SOX6: variants seen among roughly 807,000 people sequenced by gnomAD.
SOX6 encodes SRY-box transcription factor 6, also known as transcription factor SOX-6.
In SOX6, 11 loss-of-function variants were observed where a neutral mutation model predicts 97.8. That is an observed-to-expected ratio of 0.11 (90% CI 0.07 to 0.19). The LOEUF (loss-of-function observed/expected upper bound fraction) is 0.19, where lower values mean the gene tolerates loss of function less well. Among genes scored for constraint, SOX6 ranks in the 10% least tolerant of loss-of-function variants. The pLI, the probability that SOX6 is intolerant of heterozygous loss-of-function variation, is 1.00. For missense variants in SOX6, 810 were observed against 1,039.5 expected (o/e 0.78, Z 3.04); for synonymous variants, 360 against 371.4 (o/e 0.97, Z 0.35).
At chr11:16,151,787 A>T (rs1850463513) in intron 6 of SOX6, among the ~76,000 whole-genome samples, 1 of 152,186 alleles carries the variant, frequency 6.6e-6, no homozygotes, top group South Asian at 2.1e-4. Flanking sequence ...TTATCTCCTG[A>T]CAGTGAGGAA....
chr11:16,514,565 CT>C (rs759148878), intron 4 of SOX6, among the ~76,000 whole-genome samples: 30 of 150,744 alleles, frequency 2.0e-4, no homozygotes, highest in Non-Finnish European at 3.8e-4. Context: ...TATTATTATA[CT>C]TTAAGTTTTA....
At chr11:16,369,104 C>T (rs959343267) in intron 1 of SOX6, among the ~76,000 whole-genome samples, 8 of 151,842 alleles carry the variant, frequency 5.3e-5, no homozygotes, top group South Asian at 2.1e-4. Flanking sequence ...AGAATGTATA[C>T]GAATGACAAT....
intron 2 of SOX6, among the ~76,000 whole-genome samples, chr11:16,721,283 C>G (rs1009735490): frequency 1.3e-5 from 2 of 152,078 alleles, no homozygotes; most frequent in Non-Finnish European, 2.9e-5. Flanking sequence ...GAATGTGAAC[C>G]GCTATTCTCT....
intron 9 of SOX6, among the ~76,000 whole-genome samples, chr11:16,091,256 C>T (rs1848680690): frequency 6.6e-6 from 1 of 152,054 alleles, no homozygotes; most frequent in Non-Finnish European, 1.5e-5. Context: ...TGGCTGGCAT[C>T]CTCAAAACAA....
chr11:16,452,445 A>G (rs973575762), intron 1 of SOX6, among the ~76,000 whole-genome samples: 5 of 152,228 alleles, frequency 3.3e-5, no homozygotes, highest in Non-Finnish European at 7.3e-5. Context: ...ATATTAAACT[A>G]TATGAATTTA....
chr11:16,561,270 A>G (rs910948765), intron 4 of SOX6, among the ~76,000 whole-genome samples: 18 of 152,196 alleles, frequency 1.2e-4, no homozygotes, highest in African/African-American at 4.1e-4. Context: ...TGGAGGGTAG[A>G]TCCACTGCCT....
chr11:16,169,464 T>C (rs1051059938), intron 6 of SOX6, among the ~76,000 whole-genome samples: 3 of 152,120 alleles, frequency 2.0e-5, no homozygotes, highest in Admixed American at 6.6e-5. Flanking sequence ...ATGAGGATTA[T>C]AATACAAGTT....
At chr11:16,714,195 T>C (rs1018775627) in intron 3 of SOX6, among the ~76,000 whole-genome samples, 2 of 152,094 alleles carry the variant, frequency 1.3e-5, no homozygotes, top group African/African-American at 4.8e-5. Flanking sequence ...ATAGTTCAAA[T>C]AGGTTTATGT....
At chr11:16,535,166 T>C (rs2133172496) in intron 4 of SOX6, among the ~76,000 whole-genome samples, 1 of 152,316 alleles carries the variant, frequency 6.6e-6, no homozygotes, top group South Asian at 2.1e-4. Flanking sequence ...AGAATGGATA[T>C]GCTAAAGAAG....
At chr11:16,226,670 A>T (rs1025888315) in intron 4 of SOX6, among the ~76,000 whole-genome samples, 7 of 152,108 alleles carry the variant, frequency 4.6e-5, no homozygotes, top group African/African-American at 1.7e-4. Flanking sequence ...ACTCAAACAT[A>T]GATACAGATG....
intron 1 of SOX6, among the ~76,000 whole-genome samples, chr11:16,421,655 G>A (rs1859024063): frequency 6.6e-6 from 1 of 152,160 alleles, no homozygotes; most frequent in Non-Finnish European, 1.5e-5. Flanking sequence ...CACTATCTTT[G>A]ACTTGATTTG....
At position 16,111,849 on chromosome 11, in the gene SOX6, A is replaced by C. The variant is rs147735520; in HGVS notation, c.852T>G (p.Ala284=). 1.2e-6 allele frequency: 2 copies of C among 1,612,790 alleles called. No individual in the cohort carries two copies. The highest frequency in any genetic ancestry group is 2.7e-5 in the African/African-American group (2 of 74,904). ...GGGGGAAGAGGAATCCCTGTTGGGCAGCAGCAGCTGCTGCCAGAGTCCGCT... is the reference window on the plus strand; with the variant it reads ...GGGGGAAGAGGAATCCCTGTTGGGCCGCAGCAGCTGCTGCCAGAGTCCGCT... ...HDQRTLAAAA[A]AQQGFLFPPG... Residue 284 remains alanine, a synonymous_variant, in exon 7 of 16, where the codon GCT becomes GCG. Transcript: ENST00000683767.
intron 2 of SOX6, among the ~76,000 whole-genome samples, chr11:16,729,849 G>A (rs1848335486): frequency 6.6e-6 from 1 of 151,910 alleles, no homozygotes. Context: ...GACACACATA[G>A]GCTCAAAATA....
At chr11:16,087,467 A>G (rs1183874259) in intron 9 of SOX6, among the ~76,000 whole-genome samples, 1 of 152,170 alleles carries the variant, frequency 6.6e-6, no homozygotes, top group African/African-American at 2.4e-5. Context: ...TCACTGTGAA[A>G]GGCAGACTTA....
At chr11:16,285,030 G>C (rs999177255) in intron 3 of SOX6, among the ~76,000 whole-genome samples, 16 of 151,922 alleles carry the variant, frequency 1.1e-4, no homozygotes, top group Non-Finnish European at 2.2e-4. Context: ...TAATTTTTTA[G>C]ATAAAACAGA....
At chr11:16,119,017 G>T (rs1453353951) in intron 6 of SOX6, among the ~76,000 whole-genome samples, 1 of 152,126 alleles carries the variant, frequency 6.6e-6, no homozygotes, top group Non-Finnish European at 1.5e-5. Context: ...AGAGAGAGAA[G>T]GTGGGAGAGA....
intron 3 of SOX6, among the ~76,000 whole-genome samples, chr11:16,714,560 T>C (rs1439476300): frequency 3.4e-5 from 5 of 149,226 alleles, no homozygotes; most frequent in African/African-American, 4.9e-5. Flanking sequence ...CAAGCAATTC[T>C]CCTGCCTCAG....
intron 4 of SOX6, among the ~76,000 whole-genome samples, chr11:16,515,186 C>G (rs1285486360): frequency 6.6e-6 from 1 of 151,852 alleles, no homozygotes; most frequent in African/African-American, 2.4e-5. Flanking sequence ...GTTCCTATTT[C>G]TCCACATCCT....
intron 1 of SOX6, among the ~76,000 whole-genome samples, chr11:16,409,813 A>G (rs1292469722): frequency 8.7e-6 from 1 of 114,406 alleles, no homozygotes; most frequent in Non-Finnish European, 1.8e-5. Flanking sequence ...GACAGAAACA[A>G]TGTCTTTCCT....
Sources: gnomAD v4.1 joint callset for allele counts (sites outside exome capture counted in the v4.1 genomes callset) on GRCh38, gnomAD v4.1.1 for gene constraint, MANE v1.5 for transcripts, NCBI Gene and HGNC (gene_info 2026-07-23, HGNC 2026-07-21) for gene names.